CACNA1C: variants seen among roughly 807,000 people sequenced by gnomAD.
CACNA1C encodes the protein calcium voltage-gated channel subunit alpha1 C, also known as voltage-dependent L-type calcium channel subunit alpha-1C.
In CACNA1C, 30 loss-of-function variants were observed where a neutral mutation model predicts 229.0. That is an observed-to-expected ratio of 0.13 (90% CI 0.10 to 0.18). The LOEUF (loss-of-function observed/expected upper bound fraction) is 0.18, where lower values mean the gene tolerates loss of function less well. Among genes scored for constraint, CACNA1C ranks in the 10% least tolerant of loss-of-function variants. The pLI, the probability that CACNA1C is intolerant of heterozygous loss-of-function variation, is 1.00. For synonymous variants in CACNA1C, 1,114 were observed against 1,132.5 expected, an observed-to-expected ratio of 0.98 and a Z score of 0.33; for missense variants, 1,658 against 2,845.0, an observed-to-expected ratio of 0.58 and a Z score of 9.49.
chr12:2,156,991 G>A (rs560085532), intron 3 of CACNA1C, among the ~76,000 whole-genome samples: 34 of 152,300 alleles, frequency 2.2e-4, no homozygotes, highest in African/African-American at 7.5e-4. Context: ...AAGCGGCAGT[G>A]GGGAAAATTG....
intron 30 of CACNA1C, 72 bp downstream of exon 30, chr12:2,634,452 T>C (rs1182424927): frequency 1.2e-5 from 8 of 654,950 alleles, no homozygotes; most frequent in Non-Finnish European, 2.0e-5. Flanking sequence ...CCGGTTTGTT[T>C]CCTTCATTTT....
intron 3 of CACNA1C, among the ~76,000 whole-genome samples, chr12:2,400,706 T>C (rs796361852): frequency 5.9e-5 from 9 of 152,256 alleles, no homozygotes; most frequent in African/African-American, 2.2e-4. Context: ...TATTTATCCA[T>C]CTGCTTCCAA....
At chr12:2,373,470 C>T (rs908796267) in intron 3 of CACNA1C, among the ~76,000 whole-genome samples, 3 of 152,020 alleles carry the variant, frequency 2.0e-5, no homozygotes, top group Non-Finnish European at 2.9e-5. Flanking sequence ...CACTGAGGCC[C>T]GACTGCCCTG....
chr12:2,263,191 G>A (rs2081015118), intron 3 of CACNA1C, among the ~76,000 whole-genome samples: 1 of 152,056 alleles, frequency 6.6e-6, no homozygotes, highest in Admixed American at 6.5e-5. Context: ...AAGGGAGCAG[G>A]AGGGCCAGGT....
At position 2,693,795 on chromosome 12, in the gene CACNA1C, A is replaced by G. The variant is rs546899640; in HGVS notation, c.*2596A>G. On this transcript the variant is annotated 3_prime_UTR_variant, in exon 47 of 47. Coordinates refer to ENST00000399655, the MANE Select transcript of CACNA1C (RefSeq NM_000719.7). ...ACTGCTTTGGGGAAAACAGGACCCA[A>G]CCATTCACCCAGAATTGACCCATTA... is the stretch of plus-strand genomic sequence containing the variant. 1 of 152,322 alleles carries G rather than the reference A, an allele frequency of 6.6e-6. No homozygotes were observed. Among genetic ancestry groups the G allele is most frequent in the East Asian group, 1.9e-4 (1 of 5,174 alleles). 9.4% of individuals were successfully genotyped at this position (152,322 alleles called of 1,614,324 possible).
chr12:2,343,213 C>T (rs543069705), intron 3 of CACNA1C, among the ~76,000 whole-genome samples: 1 of 152,286 alleles, frequency 6.6e-6, no homozygotes, highest in East Asian at 1.9e-4. Context: ...TAATCTGCCA[C>T]AAAGCTTGTT....
At chr12:2,444,283 A>C (rs1189641011) in intron 3 of CACNA1C, among the ~76,000 whole-genome samples, 1 of 152,218 alleles carries the variant, frequency 6.6e-6, no homozygotes, top group East Asian at 1.9e-4. Flanking sequence ...GTATCTTGTC[A>C]GAATCCTAAT....
At chr12:2,114,385 T>G (rs1013832055) in intron 1 of CACNA1C, among the ~76,000 whole-genome samples, 1 of 152,290 alleles carries the variant, frequency 6.6e-6, no homozygotes, top group Admixed American at 6.5e-5. Context: ...GTGGCTTTTT[T>G]TTTAACCTAT....
chr12:2,395,787 G>A (rs1360737202), intron 3 of CACNA1C, among the ~76,000 whole-genome samples: 5 of 152,158 alleles, frequency 3.3e-5, no homozygotes, highest in African/African-American at 9.7e-5. Flanking sequence ...CCGAACCCCC[G>A]ACTTTCTCTT....
At chr12:2,444,551 A>G (rs979977177) in intron 3 of CACNA1C, among the ~76,000 whole-genome samples, 1 of 151,940 alleles carries the variant, frequency 6.6e-6, no homozygotes, top group Non-Finnish European at 1.5e-5. Flanking sequence ...CTCCTGCAAG[A>G]TGAACTCTGC....
At chr12:2,000,379 G>C (rs16929001) in intron 1 of CACNA1C, among the ~76,000 whole-genome samples, 1,903 of 151,876 alleles carry the variant, frequency 0.013, 43 homozygotes, top group African/African-American at 0.044. Flanking sequence ...TCTGAATAAG[G>C]ATATCTATAT....
chr12:2,120,753 G>A (rs2086310867), intron 3 of CACNA1C, among the ~76,000 whole-genome samples: 1 of 151,886 alleles, frequency 6.6e-6, no homozygotes, highest in South Asian at 2.1e-4. Context: ...GTGAGTGCAG[G>A]TGTTCGCTGC....
At chr12:2,567,887 G>A in intron 13 of CACNA1C, 93 bp downstream of exon 13, 1 of 696,196 alleles carries the variant, frequency 1.4e-6, no homozygotes, top group Non-Finnish European at 2.5e-6. Context: ...TGGGAGGGGG[G>A]CTGTTCTTCC....
chr12:2,570,476 T>C (rs2053756394), intron 13 of CACNA1C, among the ~76,000 whole-genome samples: 1 of 152,168 alleles, frequency 6.6e-6, no homozygotes, highest in Non-Finnish European at 1.5e-5. Context: ...CAGAAGCTTT[T>C]ATTATTCATC....
At chr12:2,437,843 G>T (rs2099153782) in intron 3 of CACNA1C, among the ~76,000 whole-genome samples, 1 of 93,852 alleles carries the variant, frequency 1.1e-5, no homozygotes, top group African/African-American at 2.7e-5. Flanking sequence ...GGTAATGATG[G>T]TGGTGATGAT....
intron 46 of CACNA1C, 82 bp from the exon 47 acceptor site, chr12:2,690,818 T>C: frequency 7.3e-7 from 1 of 1,361,894 alleles, no homozygotes; most frequent in East Asian, 2.5e-5. Context: ...AGATACCCCC[T>C]CGCTCTAGCC....
chr12:2,012,496 T>C (rs1221646625), intron 1 of CACNA1C, among the ~76,000 whole-genome samples: 1 of 152,216 alleles, frequency 6.6e-6, no homozygotes, highest in Admixed American at 6.5e-5. Flanking sequence ...ATCTAGTCCT[T>C]TACAGAAAAA....
At chr12:2,540,229 C>G (rs540119073) in intron 9 of CACNA1C, among the ~76,000 whole-genome samples, 29 of 152,280 alleles carry the variant, frequency 1.9e-4, no homozygotes, top group African/African-American at 6.7e-4. Flanking sequence ...GGTCTGAGGA[C>G]AGACTCTCAA....
intron 3 of CACNA1C, among the ~76,000 whole-genome samples, chr12:2,252,879 T>C (rs947530975): frequency 2.0e-5 from 3 of 151,942 alleles, no homozygotes; most frequent in African/African-American, 7.3e-5. Context: ...TTTTTTTTTT[T>C]CAGTCTTTCC....
Sources: gnomAD v4.1 joint callset for allele counts (sites outside exome capture counted in the v4.1 genomes callset) on GRCh38, gnomAD v4.1.1 for gene constraint, MANE v1.5 for transcripts, NCBI Gene and HGNC (gene_info 2026-07-23, HGNC 2026-07-21) for gene names.